Variants in NEK7 observed in about 807,000 individuals in gnomAD.
NEK7 encodes NIMA related kinase 7.
In NEK7, 18 loss-of-function variants were observed where a neutral mutation model predicts 44.6. The ratio of observed to expected loss-of-function variants is 0.40; its 90% CI spans 0.28 to 0.60. The LOEUF (loss-of-function observed/expected upper bound fraction) is 0.60, where lower values mean the gene tolerates loss of function less well. Among genes scored for constraint, NEK7 ranks in the 20% least tolerant of loss-of-function variants. The pLI, the probability that NEK7 is intolerant of heterozygous loss-of-function variation, is 0.38. For synonymous variants in NEK7, 130 were observed against 121.1 expected, an observed-to-expected ratio of 1.07 and a Z score of -0.48; for missense variants, 256 against 366.5, an observed-to-expected ratio of 0.70 and a Z score of 2.46.
chr1:198,271,308 T>G (rs1338326900), intron 5 of NEK7, among the ~76,000 whole-genome samples: 1 of 152,046 alleles, frequency 6.6e-6, no homozygotes, highest in African/African-American at 2.4e-5. Context: ...CATGCCCTAC[T>G]CACATTCAAG....
chr1:198,275,523 A>G (rs1200815312), intron 5 of NEK7, among the ~76,000 whole-genome samples: 1 of 151,194 alleles, frequency 6.6e-6, no homozygotes, highest in Non-Finnish European at 1.5e-5. Flanking sequence ...ATCAGAGCTA[A>G]ACATTTATAT....
chr1:198,201,451 A>T (rs1665427008), intron 1 of NEK7, among the ~76,000 whole-genome samples: 1 of 152,170 alleles, frequency 6.6e-6, no homozygotes, highest in Non-Finnish European at 1.5e-5. Context: ...CCCTTTATAT[A>T]TTTTTATGGC....
intron 1 of NEK7, among the ~76,000 whole-genome samples, chr1:198,164,955 T>C (rs1489585579): frequency 3.9e-5 from 6 of 152,264 alleles, no homozygotes; most frequent in African/African-American, 1.4e-4. Flanking sequence ...CTAAATCCTA[T>C]GTTGTCATTT....
At chr1:198,260,567 T>C (rs1310820690) in intron 3 of NEK7, among the ~76,000 whole-genome samples, 1 of 152,072 alleles carries the variant, frequency 6.6e-6, no homozygotes, top group Non-Finnish European at 1.5e-5. Context: ...TAACTCTCTT[T>C]AATATATGTA....
At chr1:198,186,518 A>C (rs1316644729) in intron 1 of NEK7, among the ~76,000 whole-genome samples, 2 of 152,214 alleles carry the variant, frequency 1.3e-5, no homozygotes, top group Admixed American at 1.3e-4. Flanking sequence ...AACTAGCTAC[A>C]GAAGTAGCTC....
intron 7 of NEK7, among the ~76,000 whole-genome samples, chr1:198,287,651 C>CT (rs1427393545): frequency 4.0e-5 from 6 of 151,516 alleles, no homozygotes; most frequent in Non-Finnish European, 7.4e-5. Flanking sequence ...TCATTGTTAG[C>CT]TTACTGCATG....
intron 9 of NEK7, among the ~76,000 whole-genome samples, chr1:198,310,869 T>A (rs1358779708): frequency 6.6e-6 from 1 of 151,526 alleles, no homozygotes; most frequent in Admixed American, 6.6e-5. Context: ...AGTCAGGTAG[T>A]GTGATGCCTC....
intron 1 of NEK7, among the ~76,000 whole-genome samples, chr1:198,178,490 A>G (rs555592127): frequency 5.9e-5 from 9 of 152,178 alleles, no homozygotes; most frequent in African/African-American, 1.9e-4. Context: ...CTTTTCCAAG[A>G]TAATAGAAAT....
intron 2 of NEK7, among the ~76,000 whole-genome samples, chr1:198,240,571 G>C (rs1666659174): frequency 6.6e-6 from 1 of 150,462 alleles, no homozygotes; most frequent in South Asian, 2.1e-4. Context: ...AGGTGAATTT[G>C]ATATTTGGAA....
chr1:198,280,808 CAT>C (rs1412527312), intron 7 of NEK7, among the ~76,000 whole-genome samples: 3 of 149,102 alleles, frequency 2.0e-5, no homozygotes, highest in African/African-American at 7.3e-5. Context: ...TATAAATAAA[CAT>C]ATGCTCATGC....
chr1:198,290,247 T>C, intron 7 of NEK7, among the ~76,000 whole-genome samples: 1 of 152,238 alleles, frequency 6.6e-6, no homozygotes, highest in East Asian at 1.9e-4. Context: ...CATTTTAATG[T>C]CTAATCATAT....
At chr1:198,299,828 T>A (rs1654831473) in intron 9 of NEK7, among the ~76,000 whole-genome samples, 1 of 152,188 alleles carries the variant, frequency 6.6e-6, no homozygotes, top group African/African-American at 2.4e-5. Flanking sequence ...TCATTCTATC[T>A]AAGAACCTAG....
At chr1:198,294,066 A>G (rs1057218747) in intron 8 of NEK7, among the ~76,000 whole-genome samples, 3 of 151,902 alleles carry the variant, frequency 2.0e-5, no homozygotes, top group African/African-American at 7.2e-5. Context: ...TTAAAAATGT[A>G]TGTCATGATC....
intron 2 of NEK7, among the ~76,000 whole-genome samples, chr1:198,245,767 TC>T (rs1200725808): frequency 2.6e-5 from 4 of 152,014 alleles, no homozygotes; most frequent in Non-Finnish European, 5.9e-5. Flanking sequence ...TCACCTCAAA[TC>T]TAAAAGCCAT....
intron 5 of NEK7, among the ~76,000 whole-genome samples, chr1:198,274,042 A>T (rs1026469717): frequency 6.6e-6 from 1 of 151,308 alleles, no homozygotes; most frequent in African/African-American, 2.4e-5. Flanking sequence ...TGTTAGTGGC[A>T]CATTTAAACA....
At chr1:198,267,522 C>A (rs4915273) in intron 5 of NEK7, among the ~76,000 whole-genome samples, 22,408 of 152,012 alleles carry the variant, frequency 0.15, 2,158 homozygotes, top group South Asian at 0.26. Context: ...CAGCTCACTG[C>A]AACCTCTGCC....
At chr1:198,219,618 C>T (rs1267779379) in intron 1 of NEK7, among the ~76,000 whole-genome samples, 4 of 151,716 alleles carry the variant, frequency 2.6e-5, no homozygotes, top group Admixed American at 1.3e-4. Context: ...TATACTATTC[C>T]GGTGACAGGT....
chr1:198,162,617 T>G (rs1232580072), intron 1 of NEK7, among the ~76,000 whole-genome samples: 1 of 152,158 alleles, frequency 6.6e-6, no homozygotes, highest in African/African-American at 2.4e-5. Flanking sequence ...GAAACACATC[T>G]CCTGTTGTCA....
At chr1:198,183,230 A>AT (rs1290727838) in intron 1 of NEK7, among the ~76,000 whole-genome samples, 7 of 151,988 alleles carry the variant, frequency 4.6e-5, no homozygotes, top group African/African-American at 9.7e-5. Context: ...ATTTTTCTTG[A>AT]TTTTTCATGT....
Sources: allele counts gnomAD v4.1 joint callset (sites outside exome capture counted in the v4.1 genomes callset), GRCh38; gene constraint gnomAD v4.1.1; transcripts MANE v1.5; gene names NCBI Gene and HGNC (gene_info 2026-07-23, HGNC 2026-07-21).